LARP1: variants seen among roughly 807,000 people sequenced by gnomAD.
The protein encoded by LARP1 is la-related protein 1.
In LARP1, 36 loss-of-function variants were observed where a neutral mutation model predicts 122.7. That is an observed-to-expected ratio of 0.29 (90% CI 0.22 to 0.39). LARP1 has a LOEUF of 0.39. Among genes scored for constraint, LARP1 ranks in the 10% least tolerant of loss-of-function variants. LARP1 has a pLI of 1.00. For missense variants in LARP1, 1,040 were observed against 1,403.6 expected, an observed-to-expected ratio of 0.74 and a Z score of 4.14; for synonymous variants, 539 against 528.7, an observed-to-expected ratio of 1.02 and a Z score of -0.27.
intron 1 of LARP1, among the ~76,000 whole-genome samples, chr5:154,730,780 A>G (rs1259325090): frequency 6.7e-6 from 1 of 149,244 alleles, no homozygotes; most frequent in Admixed American, 6.7e-5. Context: ...CCAAGTGATT[A>G]TATTCTCGTA....
At chr5:154,765,714 T>A (rs945321568) in intron 1 of LARP1, among the ~76,000 whole-genome samples, 3 of 152,198 alleles carry the variant, frequency 2.0e-5, no homozygotes, top group African/African-American at 7.2e-5. Flanking sequence ...TTAGCTCTTA[T>A]CACCACTGGG....
Position 154,714,533 on chromosome 5 carries a change from A to G in LARP1, c.205+1403A>G, listed in dbSNP as rs918939646. Among the ~76,000 whole-genome samples, 4 of 152,334 alleles carry G rather than the reference A, an allele frequency of 2.6e-5. No homozygotes were observed. In the East Asian group the frequency reaches 7.7e-4, roughly 29 times the overall value. On this transcript the variant is annotated intron_variant, in intron 1 of 18. Coordinates refer to the LARP1 transcript ENST00000336314. The stretch of plus-strand genomic sequence containing the variant: ...GGATAATACAATGGTTAGAACAGGC[A>G]TGTTGGAGTAGAGGATCTTGGGCTC...
At chr5:154,747,598 G>A (rs1460010406) in intron 1 of LARP1, among the ~76,000 whole-genome samples, 2 of 152,164 alleles carry the variant, frequency 1.3e-5, no homozygotes, top group African/African-American at 4.8e-5. Context: ...TTGGGAGGCT[G>A]AGGCAGGAGA....
intron 1 of LARP1, among the ~76,000 whole-genome samples, chr5:154,781,028 C>A (rs1296340773): frequency 6.6e-6 from 1 of 152,078 alleles, no homozygotes; most frequent in Admixed American, 6.6e-5. Context: ...GTGCCACACC[C>A]ACTGCACTCC....
chr5:154,790,435 C>A, intron 2 of LARP1, 49 bp downstream of exon 2: 1 of 1,554,110 alleles, frequency 6.4e-7, no homozygotes, highest in Non-Finnish European at 8.8e-7. Flanking sequence ...GAGTTGGTGG[C>A]CTCTTTCCTG....
intron 1 of LARP1, among the ~76,000 whole-genome samples, chr5:154,693,834 C>T (rs956912690): frequency 4.2e-5 from 6 of 144,418 alleles, no homozygotes; most frequent in Admixed American, 3.6e-4. Flanking sequence ...CCAGCCTGGG[C>T]GACAGAGCAA....
chr5:154,727,215 T>C (rs1756274941), intron 1 of LARP1, among the ~76,000 whole-genome samples: 1 of 152,118 alleles, frequency 6.6e-6, no homozygotes, highest in African/African-American at 2.4e-5. Context: ...AGAAGCAATA[T>C]TTGATGTTGG....
At chr5:154,753,750 C>T (rs572916414), upstream of LARP1, among the ~76,000 whole-genome samples, 48 of 152,274 alleles carry the variant, frequency 3.2e-4, no homozygotes, top group African/African-American at 8.2e-4. Context: ...GCTGAATAAC[C>T]CAAGAGTTGG....
intron 16 of LARP1, among the ~76,000 whole-genome samples, chr5:154,810,427 C>T (rs543460301): frequency 1.1e-3 from 164 of 150,642 alleles, no homozygotes; most frequent in Middle Eastern, 3.4e-3. Flanking sequence ...CTGAGCGAGA[C>T]TCTGTCTCAA....
rs750848594 is a variant in LARP1 at position 154,794,242 on chromosome 5, A to G, written c.1212A>G (p.Lys404=). Residue 404 remains lysine (K), a synonymous_variant, in exon 7 of 19, where the codon AAA becomes AAG. Coordinates refer to ENST00000518297, the MANE Select transcript of LARP1 (RefSeq NM_033551.3). ...ACAGTGTGGATCAGGAACTGCTCAAAGACTACATCAAGCGCCAGATGTGAG... is the reference window on the plus strand; with the variant it reads ...ACAGTGTGGATCAGGAACTGCTCAAGGACTACATCAAGCGCCAGATGTGAG... ...ELYSVDQELL[K]DYIKRQIEYY... is the part of the protein sequence containing the mutation. The G allele has an allele frequency of 6.2e-7, 1 of 1,614,128 alleles. No homozygotes were observed. Among genetic ancestry groups the G allele is most frequent in the Non-Finnish European group, 8.5e-7 (1 of 1,179,996 alleles).
chr5:154,738,731 A>G (rs1363023282), intron 1 of LARP1, among the ~76,000 whole-genome samples: 1 of 152,052 alleles, frequency 6.6e-6, no homozygotes, highest in Non-Finnish European at 1.5e-5. Flanking sequence ...CCCTTATGAG[A>G]TAGGACACAG....
In LARP1 at chr5:154,803,842, T is replaced by A; in HGVS notation, c.2439+97T>A. ...CCTTGCCTTGTCTGAGCTAAGGAAG[T>A]GCTAAATCCTTCACCTGCTCTGTGT... On this transcript the variant is annotated intron_variant, in intron 13 of 18. Coordinates refer to ENST00000518297, the MANE Select transcript of LARP1 (RefSeq NM_033551.3). The surrounding 1 kb of genome is among the most constrained non-coding windows in gnomAD (Gnocchi z 4.4). 2 of 1,240,744 alleles carry A rather than the reference T, an allele frequency of 1.6e-6. No individual in the cohort carries two copies. Among genetic ancestry groups the A allele is most frequent in the Non-Finnish European group, 2.3e-6 (2 of 866,286 alleles). The allele number at this position is 1,240,744 out of a possible 1,614,324, so 76.9% of individuals were successfully genotyped here.
At chr5:154,763,188 G>A (rs1478036660) in intron 1 of LARP1, among the ~76,000 whole-genome samples, 4 of 151,472 alleles carry the variant, frequency 2.6e-5, no homozygotes, top group Non-Finnish European at 5.9e-5. Flanking sequence ...AGCCTCCCAA[G>A]TAGCTGGGAT....
At chr5:154,785,226 T>A (rs542043292) in intron 1 of LARP1, among the ~76,000 whole-genome samples, 4 of 152,330 alleles carry the variant, frequency 2.6e-5, no homozygotes, top group African/African-American at 9.6e-5. Context: ...GGTATCCCCA[T>A]CCAGTGGGCA....
At chr5:154,715,574 G>T (rs1313417210) in intron 1 of LARP1, among the ~76,000 whole-genome samples, 5 of 152,104 alleles carry the variant, frequency 3.3e-5, no homozygotes, top group Admixed American at 1.3e-4. Context: ...CTGAAACGTT[G>T]CTGCTGAACA....
At chr5:154,735,359 G>A (rs997928634) in intron 1 of LARP1, among the ~76,000 whole-genome samples, 17 of 151,792 alleles carry the variant, frequency 1.1e-4, no homozygotes, top group East Asian at 3.9e-4. Flanking sequence ...GACTAAGGCA[G>A]TAGAACTGCT....
At position 154,755,555 on chromosome 5, in the gene LARP1, C is replaced by T. The variant is rs1009798440; in HGVS notation, c.-203C>T. ...CAGAGTGGGGGGCCTTCCTCCCCCC[C>T]CGCCCCGCTAGTGGGCCTCGGATTT... On this transcript the variant is annotated 5_prime_UTR_variant, in exon 1 of 19. Transcript: ENST00000518297. 1.0e-5 allele frequency: 10 copies of T among 987,434 alleles called. No homozygotes were observed. The highest frequency in any genetic ancestry group is 1.1e-5 in the Non-Finnish European group (9 of 830,186). 61.2% of individuals were successfully genotyped at this position (987,434 alleles called of 1,614,324 possible).
At chr5:154,805,017 T>C (rs1211402681) in intron 14 of LARP1, 1 of 423,288 alleles carries the variant, frequency 2.4e-6, no homozygotes, top group Admixed American at 2.6e-5. Flanking sequence ...GCCTTACCAA[T>C]AACATATAGT....
In LARP1 at chr5:154,789,417, C is replaced by T. The variant is rs951311849; in HGVS notation, c.437-908C>T. Among the ~76,000 whole-genome samples, 59 of 151,878 alleles carry T rather than the reference C, an allele frequency of 3.9e-4. No homozygotes were observed. The Middle Eastern group carries it at 0.01, about 27-fold the overall frequency. On this transcript the variant is annotated intron_variant, in intron 1 of 18. Coordinates refer to ENST00000518297, the MANE Select transcript of LARP1 (RefSeq NM_033551.3). ...TGTATTTTTAATAGAGACAGGGTTT[C>T]GCCATGTTGGCCAGGCTGGTCTCAA...
Sources: allele counts gnomAD v4.1 joint callset (sites outside exome capture counted in the v4.1 genomes callset), GRCh38; gene constraint gnomAD v4.1.1; non-coding constraint Gnocchi (gnomAD v3.1); transcripts MANE v1.5; gene names NCBI Gene and HGNC (gene_info 2026-07-23, HGNC 2026-07-21).